Variants in PLAAT2 observed in about 807,000 individuals in gnomAD.
PLAAT2 encodes the protein HRAS like suppressor 2.
In PLAAT2, 12 loss-of-function variants were observed where a neutral mutation model predicts 12.8. That is an observed-to-expected ratio of 0.94 (90% CI 0.60 to 1.52). The LOEUF is 1.52. Ranked by LOEUF, PLAAT2 falls within the 40% of genes most tolerant of loss-of-function variation. The pLI is 0.00. For missense variants in PLAAT2, 166 were observed against 208.1 expected (o/e 0.80, Z 1.24); for synonymous variants, 79 against 86.8 (o/e 0.91, Z 0.50).
At chr11:63,563,528 C>G (rs1020385664), upstream of PLAAT2, 3 of 572,758 alleles carry the variant, frequency 5.2e-6, no homozygotes, top group Non-Finnish European at 9.3e-6. Context: ...ACCATCCTGA[C>G]TAACACGGTG....
At position 63,553,486 on chromosome 11, in the gene PLAAT2, A is replaced by AT. The variant is rs1328369951; in HGVS notation, c.388-422_388-421insA. On this transcript the variant is annotated intron_variant, in intron 3 of 3. Coordinates refer to ENST00000255695, the MANE Select transcript of PLAAT2 (RefSeq NM_017878.2). ...GAGACCCCCATCTCTACAAAAAAAT[A>AT]CAAAAAAAAAAAAACAGCTGAGTCC... 8.7e-5 allele frequency among the ~76,000 whole-genome samples: 13 copies of AT among 149,770 alleles called. No homozygotes were observed. In the East Asian group the frequency reaches 2.4e-3, roughly 27 times the overall value.
At chr11:63,563,715 C>CAAAAAAAAAAA (rs35852892), upstream of PLAAT2, among the ~76,000 whole-genome samples, 1 of 56,106 alleles carries the variant, frequency 1.8e-5, no homozygotes, top group Admixed American at 2.2e-4. Context: ...GAGACTCAGT[C>CAAAAAAAAAAA]AAAAAAAAAA....
At chr11:63,563,715 C>CAAA (rs35852892), upstream of PLAAT2, among the ~76,000 whole-genome samples, 441 of 55,900 alleles carry the variant, frequency 7.9e-3, 17 homozygotes, top group African/African-American at 0.023. Context: ...GAGACTCAGT[C>CAAA]AAAAAAAAAA....
intron 3 of PLAAT2, among the ~76,000 whole-genome samples, chr11:63,555,028 G>A (rs887245760): frequency 5.3e-5 from 8 of 152,206 alleles, no homozygotes; most frequent in Non-Finnish European, 8.8e-5. Context: ...GTAGGGAGAC[G>A]GGTGAGCGAG....
rs2134366255 is a variant in PLAAT2 at position 63,552,894 on chromosome 11, A to C, written c.*70T>G. On this transcript the variant is annotated 3_prime_UTR_variant, in exon 4 of 4. Coordinates refer to ENST00000255695, the MANE Select transcript of PLAAT2 (RefSeq NM_017878.2). ...ACAAAACAGTAAAATCAGTAAACCA[A>C]ACTCCACTCCTGCTGGCTAAATAAT... 9.7e-7 allele frequency: 1 copy of C among 1,035,334 alleles called. No individual in the cohort carries two copies. Among genetic ancestry groups the C allele is most frequent in the East Asian group, 2.4e-5 (1 of 41,812 alleles). 64.1% of individuals were successfully genotyped at this position (1,035,334 alleles called of 1,614,324 possible). A position where few individuals can be genotyped will look rare whatever the true frequency, so the allele number is the denominator to read the frequency against.
In PLAAT2 at chr11:63,558,661, C is replaced by T; in HGVS notation, c.119-1G>A. On this transcript the variant is annotated splice_acceptor_variant, in intron 2 of 3. Transcript: ENST00000255695. LOFTEE classifies it high-confidence loss of function. ...GCCGCACCAGCTCCAGCAATTTCAC[C>T]TGTGCAAACAGTGAGTTCAGTCCTG... 1 of 1,614,138 alleles carries T rather than the reference C, an allele frequency of 6.2e-7. No homozygotes were observed. The highest frequency in any genetic ancestry group is 8.5e-7 in the Non-Finnish European group (1 of 1,179,970).
upstream of PLAAT2, among the ~76,000 whole-genome samples, chr11:63,563,715 C>CAAAAAA (rs35852892): frequency 6.4e-4 from 36 of 56,002 alleles, no homozygotes; most frequent in Admixed American, 2.0e-3. Context: ...GAGACTCAGT[C>CAAAAAA]AAAAAAAAAA....
upstream of PLAAT2, chr11:63,563,422 C>T: frequency 1.3e-6 from 2 of 1,510,398 alleles, no homozygotes; most frequent in Non-Finnish European, 1.8e-6. Flanking sequence ...CCATATACAA[C>T]TATTTCAGAA....
chr11:63,564,144 A>C (rs1037495828), upstream of PLAAT2, among the ~76,000 whole-genome samples: 3 of 152,202 alleles, frequency 2.0e-5, no homozygotes, highest in African/African-American at 7.2e-5. Context: ...TCTACCCTGG[A>C]AACAGAGTGA....
chr11:63,563,754 G>T (rs899289531), upstream of PLAAT2, among the ~76,000 whole-genome samples: 11 of 150,666 alleles, frequency 7.3e-5, no homozygotes, highest in African/African-American at 2.4e-4. Flanking sequence ...ATAGATCAAG[G>T]TTCATGTAAA....
At position 63,552,888 on chromosome 11, in the gene PLAAT2, A is replaced by G; in HGVS notation, c.*76T>C. On this transcript the variant is annotated 3_prime_UTR_variant, in exon 4 of 4. Transcript: ENST00000255695. ...ATGAACACAAAACAGTAAAATCAGTAAACCAAACTCCACTCCTGCTGGCTA... is the reference window on the plus strand; with the variant it reads ...ATGAACACAAAACAGTAAAATCAGTGAACCAAACTCCACTCCTGCTGGCTA... 1.0e-6 allele frequency: 1 copy of G among 973,572 alleles called. No individual in the cohort carries two copies. Among genetic ancestry groups the G allele is most frequent in the Non-Finnish European group, 1.6e-6 (1 of 610,002 alleles). 60.3% of individuals were successfully genotyped at this position (973,572 alleles called of 1,614,324 possible).
At chr11:63,558,078 A>T (rs1330400584) in intron 3 of PLAAT2, among the ~76,000 whole-genome samples, 2 of 152,084 alleles carry the variant, frequency 1.3e-5, no homozygotes. Flanking sequence ...AAGCACGGTG[A>T]GCCTCAGTTT....
At chr11:63,563,055 G>C (rs938743220) in intron 1 of PLAAT2, among the ~76,000 whole-genome samples, 1 of 152,206 alleles carries the variant, frequency 6.6e-6, no homozygotes, top group African/African-American at 2.4e-5. Flanking sequence ...CCAGAGGAGG[G>C]CTTGGAAAAG....
At chr11:63,561,705 A>T (rs563138578) in intron 1 of PLAAT2, among the ~76,000 whole-genome samples, 2 of 149,516 alleles carry the variant, frequency 1.3e-5, no homozygotes, top group South Asian at 4.3e-4. Flanking sequence ...CACTGCTGAG[A>T]TGATAGGTAC....
At chr11:63,560,521 G>A (rs1401342937) in intron 1 of PLAAT2, among the ~76,000 whole-genome samples, 1 of 152,208 alleles carries the variant, frequency 6.6e-6, no homozygotes, top group Non-Finnish European at 1.5e-5. Flanking sequence ...GTATGTTTTT[G>A]TCAGCTAGTG....
In PLAAT2 at chr11:63,553,065, C is replaced by T. The variant is rs545003238; in HGVS notation, c.388G>A (p.Val130Ile). The T allele has an allele frequency of 5.0e-6, 8 of 1,608,842 alleles. No homozygotes were observed. Among genetic ancestry groups the T allele is most frequent in the Non-Finnish European group, 6.8e-6 (8 of 1,176,136 alleles). Residue 130 changes from valine (V) to isoleucine (I), a missense_variant and splice_region_variant, in exon 4 of 4, where the codon GTC becomes ATC. By Grantham distance (29) the Val-to-Ile change is conservative. Transcript: ENST00000255695. ...LRYGVSRSDQ[V>I]TGAVTTVGVA... ...CCTACTGTCGTGACTGCACCAGTGA[C>T]CTGCAGCAGAAGAGAAGGGAGAGCA...
intron 3 of PLAAT2, 94 bp from the exon 4 acceptor site, chr11:63,553,159 C>T: frequency 4.1e-6 from 3 of 735,582 alleles, no homozygotes; most frequent in East Asian, 2.6e-5. Context: ...ACTCATCTGG[C>T]CCAGTCCTCT....
rs1464557867 is a variant in PLAAT2 at position 63,552,922 on chromosome 11, T to A, written c.*42A>T. 5.3e-6 allele frequency: 7 copies of A among 1,316,634 alleles called. No homozygotes were observed. The highest frequency in any genetic ancestry group is 3.4e-5 in the Admixed American group (2 of 59,128). The allele number at this position is 1,316,634 out of a possible 1,614,324, so 81.6% of individuals were successfully genotyped here. A position where few individuals can be genotyped will look rare whatever the true frequency, so the allele number is the denominator to read the frequency against. On this transcript the variant is annotated 3_prime_UTR_variant, in exon 4 of 4. Transcript: ENST00000255695. ...TCCACTCCTGCTGGCTAAATAATATTCCTCCGTAAGAATTGGTGGTTGTTG... is the reference window on the plus strand; with the variant it reads ...TCCACTCCTGCTGGCTAAATAATATACCTCCGTAAGAATTGGTGGTTGTTG...
At position 63,558,533 on chromosome 11, in the gene PLAAT2, G is replaced by A. The variant is rs2017489119; in HGVS notation, c.246C>T (p.Asp82=). 1 of 1,614,242 alleles carries A rather than the reference G, an allele frequency of 6.2e-7. No homozygotes were observed. The highest frequency in any genetic ancestry group is 8.5e-7 in the Non-Finnish European group (1 of 1,180,042). Reference sequence around the variant, plus strand: ...TGTTGGAAGGCAGTGGTGTGTATCTGTCATCGTGCTTGTTATTGACCCTGT... The same window carrying A: ...TGTTGGAAGGCAGTGGTGTGTATCTATCATCGTGCTTGTTATTGACCCTGT... ...DNYRVNNKHD[D]RYTPLPSNKI... is the part of the protein sequence containing the mutation. The change falls in exon 3 of 4, where the codon GAC becomes GAT. Residue 82 remains aspartate (D), a synonymous_variant. Coordinates refer to ENST00000255695, the MANE Select transcript of PLAAT2 (RefSeq NM_017878.2).
Sources: gnomAD v4.1 joint callset for allele counts (sites outside exome capture counted in the v4.1 genomes callset) on GRCh38, gnomAD v4.1.1 for gene constraint, MANE v1.5 for transcripts, NCBI Gene and HGNC (gene_info 2026-07-23, HGNC 2026-07-21) for gene names.